DNAH6: variants seen among roughly 807,000 people sequenced by gnomAD.
The protein encoded by DNAH6 is dynein axonemal heavy chain 6.
Under a neutral mutation model 491.4 loss-of-function variants are expected in DNAH6, and 340 were observed. That is an observed-to-expected ratio of 0.69 (90% confidence interval 0.63 to 0.76). DNAH6 has a LOEUF of 0.76. Among genes scored for constraint, DNAH6 ranks in the 30% least tolerant of loss-of-function variants. The pLI, the probability that DNAH6 is intolerant of heterozygous loss-of-function variation, is 0.00. For synonymous variants in DNAH6, 1,603 were observed against 1,686.1 expected (o/e 0.95, Z 1.21); for missense variants, 4,443 against 4,972.2 (o/e 0.89, Z 3.20).
At chr2:84,484,612 A>C in the DNAH6 span, among the ~76,000 whole-genome samples, 9 of 152,300 alleles carry the variant, frequency 5.9e-5, no homozygotes, top group African/African-American at 2.2e-4. Context: ...GTAATGCTGC[A>C]TCACTCTGAC....
At chr2:84,520,659 A>G (rs188179436) in intron 2 of DNAH6, among the ~76,000 whole-genome samples, 2 of 152,022 alleles carry the variant, frequency 1.3e-5, no homozygotes, top group Non-Finnish European at 1.5e-5. Flanking sequence ...TTCACTTATA[A>G]GTGAGAAAAT....
intron 16 of DNAH6, among the ~76,000 whole-genome samples, chr2:84,590,058 A>G (rs1301710646): frequency 7.9e-5 from 12 of 152,118 alleles, no homozygotes; most frequent in Non-Finnish European, 2.9e-5. Flanking sequence ...GAAAATAATG[A>G]ATTTGATACC....
At chr2:84,564,206 A>G (rs889313467) in intron 11 of DNAH6, among the ~76,000 whole-genome samples, 21 of 152,172 alleles carry the variant, frequency 1.4e-4, no homozygotes, top group African/African-American at 5.1e-4. Context: ...TATGAATTTT[A>G]GAATAGTTTT....
chr2:84,695,796 G>C (rs948716856), intron 46 of DNAH6, among the ~76,000 whole-genome samples: 1 of 151,972 alleles, frequency 6.6e-6, no homozygotes, highest in African/African-American at 2.4e-5. Flanking sequence ...ATTTCTGATA[G>C]TGCTTTTAAC....
intron 72 of DNAH6, among the ~76,000 whole-genome samples, chr2:84,811,233 T>C (rs1330444926): frequency 1.3e-5 from 2 of 152,248 alleles, no homozygotes; most frequent in Non-Finnish European, 2.9e-5. Context: ...TGCCTGTCGC[T>C]AAGATGCTGT....
At chr2:84,466,534 A>C in the DNAH6 span, among the ~76,000 whole-genome samples, 1 of 152,242 alleles carries the variant, frequency 6.6e-6, no homozygotes, top group Non-Finnish European at 1.5e-5. Context: ...CTCGATTCTG[A>C]AAAACAAAAC....
chr2:84,712,617 TG>T (rs1192469877), intron 56 of DNAH6, among the ~76,000 whole-genome samples: 2 of 152,156 alleles, frequency 1.3e-5, no homozygotes, highest in African/African-American at 4.8e-5. Context: ...TAGTGTTTTT[TG>T]TTTGTATGTT....
the DNAH6 span, among the ~76,000 whole-genome samples, chr2:84,487,322 A>G: frequency 6.6e-6 from 1 of 152,234 alleles, no homozygotes; most frequent in Non-Finnish European, 1.5e-5. Flanking sequence ...ATGCTGCTAC[A>G]TAAATATAGG....
At chr2:84,734,066 G>A (rs923732805) in intron 62 of DNAH6, among the ~76,000 whole-genome samples, 2 of 150,974 alleles carry the variant, frequency 1.3e-5, no homozygotes, top group East Asian at 1.9e-4. Context: ...CAGAGGTAAC[G>A]ACTACTCTGA....
chr2:84,703,717 A>G (rs1179518912), intron 50 of DNAH6, among the ~76,000 whole-genome samples, 155 bp downstream of exon 50: 2 of 151,976 alleles, frequency 1.3e-5, no homozygotes, highest in Non-Finnish European at 2.9e-5. Flanking sequence ...CAATTTAGCA[A>G]TGCTTTTAAG....
rs903295665 is a variant in DNAH6, at chr2:84,623,362, G to A, written c.4072-903G>A. ...GGTATATCTTGTAAGGACCTAGGCC[G>A]ACTCTTTTGACTCCAAATTCAATTC... is the stretch of plus-strand genomic sequence containing the variant. On this transcript the variant is annotated intron_variant, in intron 26 of 76. Coordinates refer to ENST00000389394, the MANE Select transcript of DNAH6 (RefSeq NM_001370.2). 1.4e-4 allele frequency among the ~76,000 whole-genome samples: 21 copies of A among 152,174 alleles called. 1 individual carries two copies. The highest frequency in any genetic ancestry group is 4.3e-4 in the African/African-American group (18 of 41,546).
chr2:84,579,754 G>A, intron 14 of DNAH6, 75 bp downstream of exon 14: 7 of 1,320,024 alleles, frequency 5.3e-6, no homozygotes, highest in Non-Finnish European at 3.1e-6. Context: ...AAGAAAAAGT[G>A]AAGGACTAAG....
chr2:84,737,773 A>G (rs1699640150), intron 62 of DNAH6, among the ~76,000 whole-genome samples: 1 of 151,874 alleles, frequency 6.6e-6, no homozygotes, highest in South Asian at 2.1e-4. Context: ...TCCTTTCGAG[A>G]AACCAACTTT....
chr2:84,581,374 C>T (rs1272815661), intron 14 of DNAH6, among the ~76,000 whole-genome samples: 1 of 152,020 alleles, frequency 6.6e-6, no homozygotes, highest in African/African-American at 2.4e-5. Flanking sequence ...TTCATTCAGT[C>T]AGCAAGTTTA....
At chr2:84,800,237 A>T (rs1678764424) in intron 70 of DNAH6, among the ~76,000 whole-genome samples, 1 of 152,194 alleles carries the variant, frequency 6.6e-6, no homozygotes, top group African/African-American at 2.4e-5. Context: ...AGGAAAAAAA[A>T]GAATAAAATG....
At chr2:84,533,678 T>A (rs1264133382) in intron 4 of DNAH6, among the ~76,000 whole-genome samples, 5 of 152,186 alleles carry the variant, frequency 3.3e-5, no homozygotes, top group Non-Finnish European at 5.9e-5. Context: ...GAGATAACTT[T>A]TCAATCCAAA....
chr2:84,605,970 A>G (rs1450685457), intron 20 of DNAH6, among the ~76,000 whole-genome samples: 1 of 152,214 alleles, frequency 6.6e-6, no homozygotes, highest in Non-Finnish European at 1.5e-5. Flanking sequence ...GGCACTTCAA[A>G]CCCTGTAAAC....
intron 64 of DNAH6, among the ~76,000 whole-genome samples, chr2:84,765,750 C>G (rs372758383): frequency 2.0e-5 from 3 of 151,958 alleles, no homozygotes; most frequent in Non-Finnish European, 2.9e-5. Flanking sequence ...GTATAAATAT[C>G]TCACCTAAGA....
chr2:84,583,021 CT>C (rs1683186907), intron 14 of DNAH6, among the ~76,000 whole-genome samples: 1 of 152,224 alleles, frequency 6.6e-6, no homozygotes. Context: ...TGGCTGCTCC[CT>C]CTATAACCAT....
Sources: gnomAD v4.1 joint callset for allele counts (sites outside exome capture counted in the v4.1 genomes callset) on GRCh38, gnomAD v4.1.1 for gene constraint, MANE v1.5 for transcripts, NCBI Gene and HGNC (gene_info 2026-07-23, HGNC 2026-07-21) for gene names.